The following RGS7 variants were observed in gnomAD, a reference collection of about 807,000 sequenced individuals.
RGS7 encodes the protein regulator of G-protein signaling 7.
Under a neutral mutation model 81.1 loss-of-function variants are expected in RGS7, and 27 were observed. The ratio of observed to expected loss-of-function variants is 0.33; its 90% CI spans 0.25 to 0.46. The LOEUF is 0.46. RGS7 is among the 20% of genes least tolerant of loss of function. The pLI, the probability that RGS7 is intolerant of heterozygous loss-of-function variation, is 1.00. For missense variants in RGS7, 396 were observed against 607.4 expected (o/e 0.65, Z 3.66); for synonymous variants, 208 against 207.7 (o/e 1.00, Z -0.01).
In RGS7 at chr1:240,806,232, C is replaced by T; in HGVS notation, c.1177G>A (p.Ala393Thr). 4.3e-6 allele frequency: 7 copies of T among 1,613,978 alleles called. No homozygotes were observed. The highest frequency in any genetic ancestry group is 5.9e-6 in the Non-Finnish European group (7 of 1,179,944). Residue 393 changes from alanine to threonine, a missense_variant, in exon 15 of 19, where the codon GCC (alanine) becomes ACC (threonine). Ala to Thr is a moderately conservative substitution (Grantham distance 58, BLOSUM62 0). Coordinates refer to ENST00000440928, the MANE Select transcript of RGS7 (RefSeq NM_001364886.1). ...GAATCCAAGTTAATAGCACTGGGGG[C>T]TCCGGGAGCCAGAAACTCTTGCCAT... Reference protein sequence around the residue: ...EIWQEFLAPGAPSAINLDSKS... With the variant: ...EIWQEFLAPGTPSAINLDSKS...
intron 4 of RGS7, among the ~76,000 whole-genome samples, chr1:240,980,801 T>G (rs533383800): frequency 1.3e-5 from 2 of 152,278 alleles, no homozygotes; most frequent in South Asian, 4.1e-4. Context: ...ATTACTTCAT[T>G]CAAAAAAACA....
chr1:241,052,055 T>C (rs1000252217), intron 3 of RGS7, among the ~76,000 whole-genome samples: 4 of 152,162 alleles, frequency 2.6e-5, no homozygotes, highest in Non-Finnish European at 5.9e-5. Context: ...ACACCTTCCA[T>C]AAACATGTTA....
rs190150993 is a variant in RGS7 at position 241,079,390 on chromosome 1, G to A, written c.175+19276C>T. 2.5e-4 allele frequency among the ~76,000 whole-genome samples: 38 copies of A among 152,220 alleles called. No homozygotes were observed. The South Asian group carries it at 7.1e-3, about 28-fold the overall frequency. The stretch of plus-strand genomic sequence containing the variant: ...TCTTGTACTCCAGGTGCTTAAAGCC[G>A]TTATTAAGGATCATATCACATGTCC... On this transcript the variant is annotated intron_variant, in intron 3 of 18. Coordinates refer to ENST00000440928, the MANE Select transcript of RGS7 (RefSeq NM_001364886.1).
At chr1:240,991,475 G>A (rs1468525637) in intron 3 of RGS7, among the ~76,000 whole-genome samples, 8 of 152,146 alleles carry the variant, frequency 5.3e-5, no homozygotes, top group Non-Finnish European at 8.8e-5. Flanking sequence ...GAAACATCAC[G>A]TCTGCCTCTT....
chr1:240,934,965 T>G (rs1291796989), intron 5 of RGS7, among the ~76,000 whole-genome samples: 1 of 142,128 alleles, frequency 7.0e-6, no homozygotes, highest in African/African-American at 2.6e-5. Flanking sequence ...CTCGGCTCAC[T>G]GCAACCTCCA....
chr1:240,834,700 A>G (rs958760338), intron 9 of RGS7, among the ~76,000 whole-genome samples: 1 of 151,792 alleles, frequency 6.6e-6, no homozygotes, highest in African/African-American at 2.4e-5. Flanking sequence ...TTTAGTAGAG[A>G]CGGGGTTTCA....
chr1:240,846,092 G>A (rs1462584726), intron 9 of RGS7, among the ~76,000 whole-genome samples: 1 of 152,180 alleles, frequency 6.6e-6, no homozygotes, highest in East Asian at 1.9e-4. Flanking sequence ...TATCCATTGA[G>A]TGTCTGCTGT....
At chr1:241,199,658 C>T (rs1245705813) in intron 2 of RGS7, among the ~76,000 whole-genome samples, 1 of 148,842 alleles carries the variant, frequency 6.7e-6, no homozygotes, top group Non-Finnish European at 1.5e-5. Flanking sequence ...TAGTCCTCTT[C>T]CCTTTCAAAA....
intron 18 of RGS7, among the ~76,000 whole-genome samples, chr1:240,782,967 A>C (rs1684381553): frequency 1.3e-5 from 2 of 152,252 alleles, no homozygotes; most frequent in Non-Finnish European, 2.9e-5. Flanking sequence ...TACTCAGAAC[A>C]TAACAAAAAC....
chr1:241,032,218 T>G (rs1319343536), intron 3 of RGS7, among the ~76,000 whole-genome samples: 1 of 152,206 alleles, frequency 6.6e-6, no homozygotes, highest in Non-Finnish European at 1.5e-5. Context: ...CTAGCACCAT[T>G]TATTGAATAG....
At chr1:241,310,684 T>C (rs2080477784) in intron 2 of RGS7, among the ~76,000 whole-genome samples, 1 of 152,134 alleles carries the variant, frequency 6.6e-6, no homozygotes, top group Non-Finnish European at 1.5e-5. Flanking sequence ...CTTATAGCAG[T>C]GACTGATGAG....
chr1:241,278,149 C>T (rs1420068237), intron 2 of RGS7, among the ~76,000 whole-genome samples: 1 of 152,028 alleles, frequency 6.6e-6, no homozygotes, highest in African/African-American at 2.4e-5. Flanking sequence ...ATTTGATGTT[C>T]GTATTTTTTT....
rs1361335327 is a variant in RGS7, at chr1:241,164,826, T to C, written c.79-66064A>G. On this transcript the variant is annotated intron_variant, in intron 2 of 18. Transcript: ENST00000440928. This position sits in a 1 kb window ranked among gnomAD's most constrained non-coding sequence, Gnocchi z 4.1. Reference sequence around the variant, plus strand: ...TACATTCTAATACCGAGGCAACTTTTTTCTCAGTAATCTAAATTTAGGGAA... The same window carrying C: ...TACATTCTAATACCGAGGCAACTTTCTTCTCAGTAATCTAAATTTAGGGAA... Among the ~76,000 whole-genome samples the C allele has an allele frequency of 1.3e-5, 2 of 152,252 alleles. No homozygotes were observed. Among genetic ancestry groups the C allele is most frequent in the Non-Finnish European group, 2.9e-5 (2 of 68,046 alleles).
chr1:241,252,752 G>A (rs767247529), intron 2 of RGS7, among the ~76,000 whole-genome samples: 1 of 152,118 alleles, frequency 6.6e-6, no homozygotes, highest in Non-Finnish European at 1.5e-5. Flanking sequence ...AGTCTTTTGC[G>A]GGTAGGTATT....
At chr1:240,978,512 T>C (rs1684472426) in intron 4 of RGS7, among the ~76,000 whole-genome samples, 1 of 152,112 alleles carries the variant, frequency 6.6e-6, no homozygotes, top group Non-Finnish European at 1.5e-5. Flanking sequence ...TCTATTAGCA[T>C]CTGTAAAGGG....
At chr1:241,211,609 C>T (rs1335163601) in intron 2 of RGS7, among the ~76,000 whole-genome samples, 1 of 152,194 alleles carries the variant, frequency 6.6e-6, no homozygotes, top group East Asian at 1.9e-4. Context: ...TTTCTAGCTG[C>T]AGCACCAGTC....
intron 3 of RGS7, among the ~76,000 whole-genome samples, chr1:241,050,120 T>C (rs2061167744): frequency 6.6e-6 from 1 of 152,186 alleles, no homozygotes; most frequent in Non-Finnish European, 1.5e-5. Context: ...CACACACTGT[T>C]AGAATCCAGA....
chr1:241,011,576 G>A (rs1447712015), intron 3 of RGS7, among the ~76,000 whole-genome samples: 2 of 152,124 alleles, frequency 1.3e-5, no homozygotes, highest in Admixed American at 6.6e-5. Context: ...TCTTGAGTAA[G>A]GGCTAGGGAA....
chr1:240,899,148 C>T (rs1384948119), intron 6 of RGS7, among the ~76,000 whole-genome samples: 2 of 152,114 alleles, frequency 1.3e-5, no homozygotes, highest in African/African-American at 4.8e-5. Context: ...AGATCTTCCT[C>T]CATCCCTTTA....
Sources: gnomAD v4.1 joint callset for allele counts (sites outside exome capture counted in the v4.1 genomes callset) on GRCh38, gnomAD v4.1.1 for gene constraint, Gnocchi (gnomAD v3.1) non-coding constraint, MANE v1.5 for transcripts, NCBI Gene and HGNC (gene_info 2026-07-23, HGNC 2026-07-21) for gene names.